Variants in DDX5 observed in about 807,000 individuals in gnomAD.
DDX5 encodes DEAD-box helicase 5.
DDX5 carries 6 observed loss-of-function variants against 68.6 expected under a neutral mutation model. The observed-to-expected ratio is 0.09, with a 90% CI of 0.05 to 0.17. DDX5 has a LOEUF of 0.17. DDX5 is among the 10% of genes least tolerant of loss of function. The probability of loss-of-function intolerance (pLI) is 1.00; values close to 1 mark genes in which losing one functional copy is unlikely to be tolerated. For missense variants in DDX5, 499 were observed against 756.1 expected, an observed-to-expected ratio of 0.66 and a Z score of 3.99; for synonymous variants, 350 against 247.0, an observed-to-expected ratio of 1.42 and a Z score of -3.91.
In DDX5 at chr17:64,498,657, A is replaced by C. The variant is rs1244037568; in HGVS notation, c.*1266T>G. Among the ~76,000 whole-genome samples, 3 of 152,198 alleles carry C rather than the reference A, an allele frequency of 2.0e-5. No homozygotes were observed. Among genetic ancestry groups the C allele is most frequent in the African/African-American group, 7.2e-5 (3 of 41,434 alleles). On this transcript the variant is annotated 3_prime_UTR_variant, in exon 13 of 13. Transcript: ENST00000225792. ...ACATCAATTAAAGCCTCAGTTTAAT[A>C]ATCAGAATTTAAATGAAGTCTCCTG...
At chr17:64,503,700 G>C (rs527273750) in intron 5 of DDX5, 103 bp downstream of exon 5, 13 of 1,524,054 alleles carry the variant, frequency 8.5e-6, no homozygotes, top group South Asian at 1.2e-5. Context: ...AATAGGGTGA[G>C]CTAACCTCTA....
At chr17:64,500,422 GT>G in intron 12 of DDX5, 96 bp from the exon 13 acceptor site, 1 of 1,532,672 alleles carries the variant, frequency 6.5e-7, no homozygotes, top group Non-Finnish European at 8.8e-7. Context: ...GGCGTGAAAT[GT>G]TTTTACAATT....
chr17:64,506,569 G>A, upstream of DDX5: 2 of 403,064 alleles, frequency 5.0e-6, no homozygotes, highest in South Asian at 5.8e-5. Context: ...CCCAAGCCCA[G>A]CCCCGCCCAC....
Position 64,505,926 on chromosome 17 carries a change from T to C in DDX5, c.44+150A>G, listed in dbSNP as rs1555672368. 2.6e-6 allele frequency: 4 copies of C among 1,534,108 alleles called. No individual in the cohort carries two copies. In the African/African-American group the frequency reaches 4.1e-5, roughly 16 times the overall value. On this transcript the variant is annotated intron_variant, in intron 1 of 12. Coordinates refer to ENST00000225792, the MANE Select transcript of DDX5 (RefSeq NM_004396.5). ...TCTCTTCCAATCACTGTGACGTGAA[T>C]ATCAAAATGGCGCAAGCCTTCGGGA...
upstream of DDX5, chr17:64,506,762 G>A: frequency 2.0e-6 from 1 of 508,392 alleles, no homozygotes. Flanking sequence ...CACCGGAAGT[G>A]CGCTGCTCGC....
At chr17:64,505,457 C>T (rs1031530381) in intron 1 of DDX5, 3 of 571,104 alleles carry the variant, frequency 5.3e-6, no homozygotes, top group Admixed American at 6.1e-5. Context: ...GAGTCCCGGC[C>T]CGGGCGGAGT....
rs1214642318 is a variant in DDX5 at position 64,498,985 on chromosome 17, T to C, written c.*938A>G. Among the ~76,000 whole-genome samples the C allele has an allele frequency of 2.0e-5, 3 of 152,312 alleles. No individual in the cohort carries two copies. The highest frequency in any genetic ancestry group is 2.1e-4 in the South Asian group (1 of 4,828). On this transcript the variant is annotated 3_prime_UTR_variant, in exon 13 of 13. Coordinates refer to ENST00000225792, the MANE Select transcript of DDX5 (RefSeq NM_004396.5). Reference sequence around the variant, plus strand: ...AGGATCTCTAGAATTCCCTGAATTATTGGAAAGACATTCATGACTCCCAGT... The same window carrying C: ...AGGATCTCTAGAATTCCCTGAATTACTGGAAAGACATTCATGACTCCCAGT...
intron 8 of DDX5, 155 bp from the exon 9 acceptor site, chr17:64,502,704 T>C: frequency 1.4e-6 from 1 of 722,408 alleles, no homozygotes; most frequent in Non-Finnish European, 2.2e-6. Context: ...GTTCGACCCT[T>C]GGTCCTTAAG....
rs1184545450 is a variant in DDX5 at position 64,500,156 on chromosome 17, C to T, written c.1612G>A (p.Ala538Thr). 6.2e-7 allele frequency: 1 copy of T among 1,614,204 alleles called. No homozygotes were observed. The highest frequency in any genetic ancestry group is 8.5e-7 in the Non-Finnish European group (1 of 1,180,028). ...CCAAAGCTCCCATTGGTGTAATTTG[C>T]AGCACTGTAAACACCATTCTGAGTT... ...AKTQNGVYSA[A>T]NYTNGSFGSN... is the part of the protein sequence containing the mutation. The change falls in exon 13 of 13, where the codon GCA becomes ACA. Residue 538 changes from alanine to threonine, a missense_variant. This residue lies in a region of DDX5 where 171 missense variants were observed against 174.8 expected (regional missense o/e 0.98). Coordinates refer to ENST00000225792, the MANE Select transcript of DDX5 (RefSeq NM_004396.5).
chr17:64,506,168 G>A lies in DDX5; in HGVS notation c.-49C>T, dbSNP rs782207249. 1 of 1,596,642 alleles carries A rather than the reference G, an allele frequency of 6.3e-7. No homozygotes were observed. The highest frequency in any genetic ancestry group is 1.7e-5 in the Admixed American group (1 of 57,144). The stretch of plus-strand genomic sequence containing the variant: ...GGGAACGAAGTATATAGAAAAGCGT[G>A]CGACAAGTCGCTGGAAATGGCCTCG... On this transcript the variant is annotated 5_prime_UTR_variant, in exon 1 of 13. Coordinates refer to ENST00000225792, the MANE Select transcript of DDX5 (RefSeq NM_004396.5).
At chr17:64,504,611 CAG>C in intron 2 of DDX5, 64 bp downstream of exon 2, 6 of 1,515,578 alleles carry the variant, frequency 4.0e-6, no homozygotes, top group South Asian at 1.3e-5. Context: ...AAACACCTGT[CAG>C]AATTTCATTT....
intron 6 of DDX5, 38 bp downstream of exon 6, chr17:64,503,392 T>TA (rs1397754240): frequency 3.1e-6 from 5 of 1,613,942 alleles, no homozygotes; most frequent in African/African-American, 1.3e-5. Flanking sequence ...CTAGGATATT[T>TA]AGCACCAATG....
intron 1 of DDX5, chr17:64,505,472 CGGGCGGCGTTCCCGCTG>C (rs2038445925): frequency 7.0e-6 from 4 of 571,438 alleles, no homozygotes; most frequent in South Asian, 4.3e-5. Context: ...CGGAGTCGGC[CGGGCGGCGTTCCCGCTG>C]GGGCGGCGCT....
intron 2 of DDX5, 89 bp from the exon 3 acceptor site, chr17:64,504,407 G>A (rs1555671739): frequency 8.3e-7 from 1 of 1,204,592 alleles, no homozygotes; most frequent in African/African-American, 1.5e-5. Flanking sequence ...TCATAATTTA[G>A]TAACTAGTTT....
In DDX5 at chr17:64,498,467, C is replaced by T. The variant is rs899021919; in HGVS notation, c.*1456G>A. On this transcript the variant is annotated 3_prime_UTR_variant, in exon 13 of 13. Transcript: ENST00000225792. ...AAATGCTCCAACCTACCCTCTCCCC[C>T]GAAAGCTGCTTCTAAGTTTAAAACC... 8.5e-5 allele frequency among the ~76,000 whole-genome samples: 13 copies of T among 152,274 alleles called. No individual in the cohort carries two copies. Among genetic ancestry groups the T allele is most frequent in the Admixed American group, 2.6e-4 (4 of 15,302 alleles).
In DDX5 at chr17:64,500,195, C is replaced by T; in HGVS notation, c.1573G>A (p.Asp525Asn). 1 of 1,614,218 alleles carries T rather than the reference C, an allele frequency of 6.2e-7. No individual in the cohort carries two copies. The highest frequency in any genetic ancestry group is 8.5e-7 in the Non-Finnish European group (1 of 1,180,044). Residue 525 changes from aspartate to asparagine, a missense_variant, in exon 13 of 13, where the codon GAT becomes AAT. Physicochemically the swap from Asp to Asn is conservative, Grantham distance 23. Transcript: ENST00000225792. Reference protein sequence around the residue: ...DRGYSSLLKRDFGAKTQNGVY... With the variant: ...DRGYSSLLKRNFGAKTQNGVY... ...CCATTCTGAGTTTTTGCCCCAAAAT[C>T]TCTTTTAAGCAGGCTAGAGTAACCT... is the stretch of plus-strand genomic sequence containing the variant.
intron 2 of DDX5, 126 bp downstream of exon 2, chr17:64,504,551 C>A: frequency 8.3e-7 from 1 of 1,204,458 alleles, no homozygotes; most frequent in Non-Finnish European, 1.2e-6. Context: ...CACACCTTTC[C>A]CAATTATGAA....
chr17:64,500,280 T>A lies in DDX5; in HGVS notation c.1488A>T (p.Arg496Ser). 3 of 1,614,110 alleles carry A rather than the reference T, an allele frequency of 1.9e-6. No individual in the cohort carries two copies. The highest frequency in any genetic ancestry group is 2.5e-6 in the Non-Finnish European group (3 of 1,179,988). ...RGGMKDDRRD[R>S]YSAGKRGGFN... ...ATCCACCCCTTTTGCCCGCAGAGTA[T>A]CTGTCCCGACGGTCATCCTTCATGC... Residue 496 changes from arginine to serine, a missense_variant, in exon 13 of 13, where the codon AGA (arginine) becomes AGT (serine). Physicochemically the swap from Arg to Ser is moderately radical, Grantham distance 110 (BLOSUM62 -1). Around this residue, in one of 5 missense-constraint regions of DDX5, gnomAD observed 171 missense variants for 174.8 expected, o/e 0.98. Transcript: ENST00000225792.
In DDX5 at chr17:64,504,850, G is replaced by A. The variant is rs1273934098; in HGVS notation, c.45-8C>T. ...AATCGAGGTGCACCAAACCTGGAATGAAAAAAAACGTTATTCACATTTTCA... is the reference window on the plus strand; with the variant it reads ...AATCGAGGTGCACCAAACCTGGAATAAAAAAAAACGTTATTCACATTTTCA... On this transcript the variant is annotated splice_polypyrimidine_tract_variant and splice_region_variant and intron_variant, in intron 1 of 12. Transcript: ENST00000225792. 1.9e-6 allele frequency: 3 copies of A among 1,583,492 alleles called. No individual in the cohort carries two copies. The highest frequency in any genetic ancestry group is 1.7e-4 in the Middle Eastern group (1 of 5,878).
Sources: gnomAD v4.1 joint callset for allele counts (sites outside exome capture counted in the v4.1 genomes callset) on GRCh38, gnomAD v4.1.1 for gene constraint, gnomAD v4.1.1 regional missense constraint, MANE v1.5 for transcripts, NCBI Gene and HGNC (gene_info 2026-07-23, HGNC 2026-07-21) for gene names.